ABCC1: variants seen among roughly 807,000 people sequenced by gnomAD.
The protein encoded by ABCC1 is multidrug resistance-associated protein 1.
Under a neutral mutation model 172.9 loss-of-function variants are expected in ABCC1, and 83 were observed. That is an observed-to-expected ratio of 0.48 (90% CI 0.40 to 0.58). The LOEUF is 0.58. Ranked by LOEUF, ABCC1 falls within the 20% of genes least tolerant of loss-of-function variation. ABCC1 has a pLI of 0.00. For missense variants in ABCC1, 1,817 were observed against 2,002.7 expected, an observed-to-expected ratio of 0.91 and a Z score of 1.77; for synonymous variants, 937 against 825.2, an observed-to-expected ratio of 1.14 and a Z score of -2.32.
At position 16,133,425 on chromosome 16, in the gene ABCC1, A is replaced by G. The variant is rs184499898; in HGVS notation, c.3967-925A>G. Among the ~76,000 whole-genome samples, 1,347 of 143,138 alleles carry G rather than the reference A, an allele frequency of 9.4e-3. 10 individuals are homozygous for G. The highest frequency in any genetic ancestry group is 0.044 in the South Asian group (196 of 4,406). The allele number at this position is 143,138 out of a possible 152,430, so 93.9% of individuals were successfully genotyped here. A position where few individuals can be genotyped will look rare whatever the true frequency, so the allele number is the denominator to read the frequency against. On this transcript the variant is annotated intron_variant, in intron 27 of 30. Transcript: ENST00000399410. The stretch of plus-strand genomic sequence containing the variant: ...TTGTTTTGTTTTGTTTTGTTTTGAG[A>G]CAGCCTCTCACTCTGTCACCCAGGC...
chr16:15,968,801 C>T (rs953283806), intron 1 of ABCC1, among the ~76,000 whole-genome samples: 2 of 152,156 alleles, frequency 1.3e-5, no homozygotes, highest in Admixed American at 1.3e-4. Context: ...TGGCCCACTG[C>T]AGCCATGACC....
chr16:16,141,299 T>A lies in ABCC1; in HGVS notation c.*18T>A. On this transcript the variant is annotated 3_prime_UTR_variant, in exon 31 of 31. Transcript: ENST00000399410. ...TGGTGTGAGCCCCAGAGCTGGCATA[T>A]CTGGTCAGAACTGCAGGGCCTATAT... is the stretch of plus-strand genomic sequence containing the variant. 1 of 1,612,678 alleles carries A rather than the reference T, an allele frequency of 6.2e-7. No individual in the cohort carries two copies. Among genetic ancestry groups the A allele is most frequent in the Non-Finnish European group, 8.5e-7 (1 of 1,179,018 alleles).
chr16:16,028,400 G>C (rs540468299), intron 5 of ABCC1, among the ~76,000 whole-genome samples: 11 of 152,222 alleles, frequency 7.2e-5, no homozygotes, highest in South Asian at 6.2e-4. Flanking sequence ...CTATAAGCAA[G>C]TCCTGCCCAT....
At chr16:16,110,108 T>TC (rs1374894349) in intron 21 of ABCC1, among the ~76,000 whole-genome samples, 2 of 150,072 alleles carry the variant, frequency 1.3e-5, no homozygotes, top group Admixed American at 1.4e-4. Context: ...AACTCCTTTT[T>TC]TTTTTTTTCC....
At chr16:16,125,938 C>T (rs753137244) in intron 26 of ABCC1, 27 bp downstream of exon 26, 5 of 1,583,060 alleles carry the variant, frequency 3.2e-6, no homozygotes, top group Non-Finnish European at 4.3e-6. Flanking sequence ...GGCTGGACCT[C>T]TTGGTCTTTG....
At chr16:16,003,954 G>A (rs1223249827) in intron 1 of ABCC1, among the ~76,000 whole-genome samples, 2 of 148,614 alleles carry the variant, frequency 1.3e-5, no homozygotes, top group Non-Finnish European at 3.0e-5. Context: ...TGGGGGGGGT[G>A]GATGGATGAA....
rs1483352769 is a variant in ABCC1 at position 16,114,751 on chromosome 16, T to TC, written c.3080-13dup. 8 of 1,575,836 alleles carry TC rather than the reference T, an allele frequency of 5.1e-6. No individual in the cohort carries two copies. The Admixed American group carries it at 1.4e-4, about 27-fold the overall frequency. Reference sequence around the variant, plus strand: ...CCTCTCTGCATTGTGGAGTTTTAACTCCGAGTGTCTGCAGGGATCGCCGTG... The same window carrying TC: ...CCTCTCTGCATTGTGGAGTTTTAACTCCCGAGTGTCTGCAGGGATCGCCGTG... On this transcript the variant is annotated splice_polypyrimidine_tract_variant and intron_variant, in intron 22 of 30. Transcript: ENST00000399410.
chr16:16,106,538 T>A, intron 20 of ABCC1, 200 bp from the exon 21 acceptor site: 1 of 579,362 alleles, frequency 1.7e-6, no homozygotes. Flanking sequence ...ACACTGCCTT[T>A]CTCTGGGTAC....
At chr16:16,084,630 C>CT (rs34549440) in intron 17 of ABCC1, among the ~76,000 whole-genome samples, 2,627 of 123,616 alleles carry the variant, frequency 0.021, 30 homozygotes, top group Non-Finnish European at 0.028. Flanking sequence ...TCTCAAAGTT[C>CT]TTTTTTTTTT....
chr16:16,135,851 T>C (rs1188855055), intron 28 of ABCC1, among the ~76,000 whole-genome samples: 2 of 152,156 alleles, frequency 1.3e-5, no homozygotes, highest in Non-Finnish European at 2.9e-5. Context: ...AAGATTCTCT[T>C]CTGTGGTTGG....
chr16:16,092,379 C>T (rs539428433), intron 19 of ABCC1, among the ~76,000 whole-genome samples: 1 of 152,210 alleles, frequency 6.6e-6, no homozygotes, highest in Non-Finnish European at 1.5e-5. Context: ...TCAGCCATGA[C>T]TCCCTATTTT....
At chr16:16,069,965 C>T (rs986556624) in intron 13 of ABCC1, among the ~76,000 whole-genome samples, 2 of 151,998 alleles carry the variant, frequency 1.3e-5, no homozygotes, top group East Asian at 1.9e-4. Flanking sequence ...TGGAGGTTGC[C>T]GAGGTTGCAG....
chr16:16,114,284 T>C (rs2044746050), intron 22 of ABCC1, among the ~76,000 whole-genome samples: 1 of 152,176 alleles, frequency 6.6e-6, no homozygotes, highest in Non-Finnish European at 1.5e-5. Flanking sequence ...GCACAGTGCT[T>C]AGCACATAGG....
chr16:16,007,103 C>A (rs1362629182), intron 1 of ABCC1, among the ~76,000 whole-genome samples: 1 of 152,048 alleles, frequency 6.6e-6, no homozygotes, highest in African/African-American at 2.4e-5. Flanking sequence ...ATGGCTCTCT[C>A]CATCTTTCGT....
intron 1 of ABCC1, among the ~76,000 whole-genome samples, chr16:15,971,065 A>G (rs898579100): frequency 6.6e-6 from 1 of 152,216 alleles, no homozygotes; most frequent in Admixed American, 6.5e-5. Context: ...GAAAGAAGGG[A>G]GAATAAGATC....
rs1388921602 is a variant in ABCC1, at chr16:16,079,496, G to C, written c.2115+18G>C. On this transcript the variant is annotated intron_variant, in intron 16 of 30. Coordinates refer to ENST00000399410, the MANE Select transcript of ABCC1 (RefSeq NM_004996.4). Reference sequence around the variant, plus strand: ...CTATCAAGGTAGGATGAGGACCAGCGGGGAGGGGCAGTGGGGAAGCTGGTG... The same window carrying C: ...CTATCAAGGTAGGATGAGGACCAGCCGGGAGGGGCAGTGGGGAAGCTGGTG... 1.3e-6 allele frequency: 2 copies of C among 1,598,908 alleles called. No homozygotes were observed. The highest frequency in any genetic ancestry group is 2.7e-5 in the African/African-American group (2 of 74,714).
chr16:15,951,855 A>G (rs930268167), intron 1 of ABCC1, among the ~76,000 whole-genome samples: 4 of 151,856 alleles, frequency 2.6e-5, no homozygotes, highest in Non-Finnish European at 1.5e-5. Flanking sequence ...ACGCCCAGCT[A>G]ATTTTTGTAT....
In ABCC1 at chr16:16,140,528, C is replaced by A. The variant is rs773505674; in HGVS notation, c.4488-645C>A. Among the ~76,000 whole-genome samples, 88 of 152,078 alleles carry A rather than the reference C, an allele frequency of 5.8e-4. 1 individual carries two copies. Among genetic ancestry groups the A allele is most frequent in the Non-Finnish European group, 1.0e-3 (71 of 68,014 alleles). Reference sequence around the variant, plus strand: ...ATGATGTTTCTAGTTCACTGAGTACCACCTACTAAGTGGCAGATGCTGAGT... The same window carrying A: ...ATGATGTTTCTAGTTCACTGAGTACAACCTACTAAGTGGCAGATGCTGAGT... On this transcript the variant is annotated intron_variant, in intron 30 of 30. Coordinates refer to ENST00000399410, the MANE Select transcript of ABCC1 (RefSeq NM_004996.4).
At chr16:16,031,000 A>C (rs2048540348) in intron 5 of ABCC1, among the ~76,000 whole-genome samples, 2 of 151,880 alleles carry the variant, frequency 1.3e-5, no homozygotes, top group Non-Finnish European at 2.9e-5. Flanking sequence ...GGCACCCACC[A>C]CCACATCCAG....
Sources: allele counts gnomAD v4.1 joint callset (sites outside exome capture counted in the v4.1 genomes callset), GRCh38; gene constraint gnomAD v4.1.1; transcripts MANE v1.5; gene names NCBI Gene and HGNC (gene_info 2026-07-23, HGNC 2026-07-21).